Variants in STON2 observed in about 807,000 individuals in gnomAD.
STON2 encodes the protein stonin-2.
STON2 carries 29 observed loss-of-function variants against 65.7 expected under a neutral mutation model. The observed-to-expected ratio is 0.44, with a 90% CI of 0.33 to 0.60. The LOEUF is 0.60. Among genes scored for constraint, STON2 ranks in the 20% least tolerant of loss-of-function variants. The pLI is 0.03. For synonymous variants in STON2, 404 were observed against 414.2 expected (o/e 0.98, Z 0.30); for missense variants, 1,054 against 1,118.1 (o/e 0.94, Z 0.82).
Position 81,263,851 on chromosome 14 carries a change from C to T in STON2, c.*4563G>A. On this transcript the variant is annotated 3_prime_UTR_variant, in exon 8 of 8. Coordinates refer to ENST00000614646, the MANE Select transcript of STON2 (RefSeq NM_001394390.1). Reference sequence around the variant, plus strand: ...CAAGGCTTTTAAGAAAAAACTTCAGCTCATTCTGTTTTCCCACCACTAAAC... The same window carrying T: ...CAAGGCTTTTAAGAAAAAACTTCAGTTCATTCTGTTTTCCCACCACTAAAC... The T allele has an allele frequency of 1.0e-6, 1 of 985,428 alleles. No individual in the cohort carries two copies. The highest frequency in any genetic ancestry group is 1.7e-5 in the African/African-American group (1 of 57,354). The allele number at this position is 985,428 out of a possible 1,614,324, so 61.0% of individuals were successfully genotyped here.
At chr14:81,431,805 C>T (rs568448494) in intron 1 of STON2, among the ~76,000 whole-genome samples, 2 of 150,852 alleles carry the variant, frequency 1.3e-5, no homozygotes, top group Non-Finnish European at 1.5e-5. Flanking sequence ...ATTAGCTGGG[C>T]GTGGTGGTGG....
rs946428990 is a variant in STON2 at position 81,432,392 on chromosome 14, G to C, written c.-310+3929C>G. ...GGGTTCTCAGGGGGTTATTTATCTTGGGGGTAGGTGCTGATCACAATCTGT... is the reference window on the plus strand; with the variant it reads ...GGGTTCTCAGGGGGTTATTTATCTTCGGGGTAGGTGCTGATCACAATCTGT... On this transcript the variant is annotated intron_variant, in intron 1 of 8. Coordinates refer to the STON2 transcript ENST00000553821. Among the ~76,000 whole-genome samples the C allele has an allele frequency of 2.8e-4, 42 of 152,182 alleles. 1 individual carries two copies. Among genetic ancestry groups the C allele is most frequent in the Middle Eastern group, 6.8e-3 (2 of 294 alleles).
Position 81,267,879 on chromosome 14 carries a change from TG to T in STON2, c.*534del, listed in dbSNP as rs1894418273. On this transcript the variant is annotated 3_prime_UTR_variant, in exon 8 of 8. Transcript: ENST00000614646. ...TCTTGAAAGCTTAACAGTTAAAGAA[TG>T]GAGACACCTCAAAAAGGTCTAGTAA... The T allele has an allele frequency of 1.0e-6, 1 of 985,356 alleles. No homozygotes were observed. The highest frequency in any genetic ancestry group is 1.7e-5 in the African/African-American group (1 of 57,234). 61.0% of individuals were successfully genotyped at this position (985,356 alleles called of 1,614,324 possible).
chr14:81,407,788 T>C (rs1900941987), intron 2 of STON2, among the ~76,000 whole-genome samples: 1 of 152,234 alleles, frequency 6.6e-6, no homozygotes, highest in Admixed American at 6.5e-5. Flanking sequence ...CTTTACAGTG[T>C]TCTTCTAAAG....
Position 81,371,039 on chromosome 14 carries a change from T to C in STON2, c.520A>G (p.Ile174Val). The change falls in exon 4 of 8, where the codon ATC becomes GTC. Residue 174 changes from isoleucine to valine, a missense_variant. Transcript: ENST00000614646. ...CCACTCGTCTGCTCCTCAGCATTGATGAGCTGCAGATCTGTATACGAACAT... is the reference window on the plus strand; with the variant it reads ...CCACTCGTCTGCTCCTCAGCATTGACGAGCTGCAGATCTGTATACGAACAT... ...FGCSYTDLQLINAEEQTSGQA... is the reference protein window; with the variant it reads ...FGCSYTDLQLVNAEEQTSGQA... 1.2e-6 allele frequency: 2 copies of C among 1,613,720 alleles called. No individual in the cohort carries two copies. The highest frequency in any genetic ancestry group is 1.7e-6 in the Non-Finnish European group (2 of 1,180,014).
intron 3 of STON2, among the ~76,000 whole-genome samples, chr14:81,382,360 T>C (rs1357653798): frequency 6.6e-6 from 1 of 152,234 alleles, no homozygotes; most frequent in Non-Finnish European, 1.5e-5. Context: ...CTTTTCGTTT[T>C]TGACATGGAC....
intron 5 of STON2, 161 bp from the exon 6 acceptor site, chr14:81,278,900 C>T (rs1894994619): frequency 1.9e-6 from 1 of 530,358 alleles, no homozygotes; most frequent in Non-Finnish European, 3.1e-6. Flanking sequence ...GCATAGATCT[C>T]ACAATTCTGT....
intron 4 of STON2, among the ~76,000 whole-genome samples, chr14:81,347,634 A>AC (rs1458507993): frequency 1.3e-5 from 2 of 150,242 alleles, no homozygotes; most frequent in Admixed American, 6.6e-5. Context: ...AAAAAAAAAA[A>AC]AAACCCTACA....
chr14:81,345,327 T>C (rs1259937164), intron 4 of STON2, among the ~76,000 whole-genome samples: 1 of 152,098 alleles, frequency 6.6e-6, no homozygotes, highest in African/African-American at 2.4e-5. Flanking sequence ...TAATCCAATA[T>C]GTTGTCTTTA....
intron 2 of STON2, among the ~76,000 whole-genome samples, chr14:81,405,713 T>G (rs1468384905): frequency 1.3e-5 from 2 of 152,124 alleles, no homozygotes; most frequent in Non-Finnish European, 2.9e-5. Context: ...GCCCTCTAAT[T>G]GCCATAGGAC....
Position 81,373,219 on chromosome 14 carries a change from T to A in STON2, c.374-2034A>T, listed in dbSNP as rs144491536. Among the ~76,000 whole-genome samples the A allele has an allele frequency of 5.4e-4, 82 of 152,272 alleles. 2 individuals are homozygous for A. The South Asian group carries it at 0.012, about 22-fold the overall frequency. On this transcript the variant is annotated intron_variant, in intron 3 of 7. Transcript: ENST00000614646. ...TATAAGGCAGGCATTCAACAAATAT[T>A]TGTTGGTTATATCAACAGAAGCACC...
intron 6 of STON2, among the ~76,000 whole-genome samples, chr14:81,275,930 A>T (rs1894797609): frequency 6.6e-6 from 1 of 152,234 alleles, no homozygotes; most frequent in Non-Finnish European, 1.5e-5. Context: ...CATAAGAGAA[A>T]GCCATTTCAC....
chr14:81,435,032 T>C (rs949812288), intron 1 of STON2, among the ~76,000 whole-genome samples: 2 of 152,148 alleles, frequency 1.3e-5, no homozygotes, highest in African/African-American at 4.8e-5. Context: ...TATAAAACTT[T>C]CAAATACTTC....
chr14:81,316,551 A>G (rs1299774331), intron 5 of STON2, among the ~76,000 whole-genome samples: 1 of 152,226 alleles, frequency 6.6e-6, no homozygotes, highest in Non-Finnish European at 1.5e-5. Flanking sequence ...TTGCCAAGAA[A>G]AAGCTGAAAA....
At chr14:81,417,007 T>A (rs546578893) in intron 2 of STON2, among the ~76,000 whole-genome samples, 1 of 152,166 alleles carries the variant, frequency 6.6e-6, no homozygotes, top group Non-Finnish European at 1.5e-5. Context: ...AGGGTTTTAT[T>A]TCCCAGGTAG....
chr14:81,370,909 T>C, intron 4 of STON2, 79 bp downstream of exon 4: 1 of 1,370,470 alleles, frequency 7.3e-7, no homozygotes, highest in South Asian at 1.3e-5. Flanking sequence ...GCTGCAGCAA[T>C]TTTTAAAAGG....
chr14:81,380,120 T>G (rs1015389221), intron 3 of STON2, among the ~76,000 whole-genome samples: 1 of 152,166 alleles, frequency 6.6e-6, no homozygotes, highest in Non-Finnish European at 1.5e-5. Context: ...ATGTCAAGAA[T>G]CTATAAGAAA....
At chr14:81,401,984 C>T (rs1017285400), upstream of STON2, among the ~76,000 whole-genome samples, 10 of 152,020 alleles carry the variant, frequency 6.6e-5, no homozygotes. Flanking sequence ...AGGGGATCAC[C>T]GCAAGTGACA....
rs1162198746 is a variant in STON2 at position 81,260,702 on chromosome 14, G to A, written c.*7712C>T. On this transcript the variant is annotated 3_prime_UTR_variant, in exon 8 of 8. Coordinates refer to ENST00000614646, the MANE Select transcript of STON2 (RefSeq NM_001394390.1). Reference sequence around the variant, plus strand: ...AATTCATTTTCATAGCTCAGAAAAGGATATAATCAGTAGAACAACTAAAAA... The same window carrying A: ...AATTCATTTTCATAGCTCAGAAAAGAATATAATCAGTAGAACAACTAAAAA... The A allele has an allele frequency of 6.6e-6, 1 of 151,914 alleles. No homozygotes were observed. Among genetic ancestry groups the A allele is most frequent in the East Asian group, 1.9e-4 (1 of 5,190 alleles). The allele number at this position is 151,914 out of a possible 1,614,324, so 9.4% of individuals were successfully genotyped here.
Sources: gnomAD v4.1 joint callset for allele counts (sites outside exome capture counted in the v4.1 genomes callset) on GRCh38, gnomAD v4.1.1 for gene constraint, MANE v1.5 for transcripts, NCBI Gene and HGNC (gene_info 2026-07-23, HGNC 2026-07-21) for gene names.